KCNG2: variants seen among roughly 807,000 people sequenced by gnomAD.
The protein encoded by KCNG2 is potassium voltage-gated channel modifier subfamily G member 2.
Under a neutral mutation model 12.3 loss-of-function variants are expected in KCNG2, and 7 were observed. The observed-to-expected ratio is 0.57, with a 90% CI of 0.32 to 1.07. KCNG2 has a LOEUF of 1.07. Ranked by LOEUF, KCNG2 falls within the 50% of genes least tolerant of loss-of-function variation. The pLI is 0.04. For synonymous variants in KCNG2, 414 were observed against 351.4 expected (o/e 1.18, Z -1.99); for missense variants, 703 against 726.0 (o/e 0.97, Z 0.36).
chr18:79,819,247 A>C (rs576359756), intron 1 of KCNG2, among the ~76,000 whole-genome samples: 2 of 152,238 alleles, frequency 1.3e-5, no homozygotes, highest in East Asian at 3.9e-4. Context: ...GGCAGGCCCT[A>C]CCCGGGTGCA....
chr18:79,804,967 C>T (rs558786359), intron 1 of KCNG2, among the ~76,000 whole-genome samples: 5 of 152,244 alleles, frequency 3.3e-5, no homozygotes, highest in Admixed American at 1.3e-4. Context: ...CACACACATA[C>T]GGGTGAAGGC....
chr18:79,799,579 A>G (rs140368559), intron 1 of KCNG2, among the ~76,000 whole-genome samples: 126 of 152,366 alleles, frequency 8.3e-4, no homozygotes, highest in African/African-American at 2.9e-3. Context: ...GGTGACAAAA[A>G]CAACTTCCAG....
intron 1 of KCNG2, among the ~76,000 whole-genome samples, chr18:79,825,769 T>C (rs1408092848): frequency 6.6e-6 from 1 of 152,218 alleles, no homozygotes; most frequent in East Asian, 1.9e-4. Context: ...TATTCCTTTT[T>C]CCAGTTACTA....
At chr18:79,880,587 T>C (rs926824826) in intron 3 of KCNG2, among the ~76,000 whole-genome samples, 2 of 152,044 alleles carry the variant, frequency 1.3e-5, no homozygotes, top group Admixed American at 1.3e-4. Context: ...GAGGGATCCC[T>C]TCCCAACTCA....
chr18:79,875,348 G>C (rs1980025282), intron 3 of KCNG2, among the ~76,000 whole-genome samples: 1 of 151,946 alleles, frequency 6.6e-6, no homozygotes, highest in South Asian at 2.1e-4. Context: ...AGGCGGCCCT[G>C]GGCGCTCCCC....
At chr18:79,871,965 G>A (rs957095940) in intron 3 of KCNG2, among the ~76,000 whole-genome samples, 3 of 152,218 alleles carry the variant, frequency 2.0e-5, no homozygotes, top group South Asian at 2.1e-4. Context: ...CAATGCCACC[G>A]GACCAAGCTC....
chr18:79,805,650 T>A (rs1038500077), intron 1 of KCNG2, among the ~76,000 whole-genome samples: 1 of 152,200 alleles, frequency 6.6e-6, no homozygotes, highest in Non-Finnish European at 1.5e-5. Context: ...GGTGGCCATG[T>A]ACCACCTGGC....
At chr18:79,801,956 C>A (rs551345508) in intron 1 of KCNG2, among the ~76,000 whole-genome samples, 1 of 152,158 alleles carries the variant, frequency 6.6e-6, no homozygotes, top group Admixed American at 6.5e-5. Flanking sequence ...GGGACCCCTT[C>A]GCCAGGGGTC....
chr18:79,864,127 G>T lies in KCNG2; in HGVS notation c.460G>T (p.Gly154Trp), dbSNP rs1379372622. Residue 154 changes from glycine (G) to tryptophan (W), a missense_variant, in exon 3 of 4, where the codon GGG becomes TGG. Transcript: ENST00000316249. ...GSPARALGPR[G>W]RLQRGRRRLR... is the part of the protein sequence containing the mutation. Reference sequence around the variant, plus strand: ...CCCGGCGCGCGCCCTGGGACCTCGGGGGCGGCTGCAGCGCGGCCGGCGGCG... The same window carrying T: ...CCCGGCGCGCGCCCTGGGACCTCGGTGGCGGCTGCAGCGCGGCCGGCGGCG... 1 of 1,282,534 alleles carries T rather than the reference G, an allele frequency of 7.8e-7. No homozygotes were observed. The highest frequency in any genetic ancestry group is 1.6e-5 in the African/African-American group (1 of 62,440). 79.4% of individuals were successfully genotyped at this position (1,282,534 alleles called of 1,614,324 possible).
intron 3 of KCNG2, among the ~76,000 whole-genome samples, chr18:79,885,296 G>A (rs1394895490): frequency 6.6e-6 from 1 of 152,234 alleles, no homozygotes; most frequent in African/African-American, 2.4e-5. Context: ...GGGTGAGCCA[G>A]GCTGAACGTA....
intron 3 of KCNG2, among the ~76,000 whole-genome samples, chr18:79,870,789 T>G (rs1244709300): frequency 1.3e-5 from 2 of 152,220 alleles, no homozygotes; most frequent in African/African-American, 4.8e-5. Context: ...TTGCAACAGC[T>G]TTAAAAGCTG....
chr18:79,871,873 G>A (rs1354165983), intron 3 of KCNG2, among the ~76,000 whole-genome samples: 2 of 152,248 alleles, frequency 1.3e-5, no homozygotes, highest in Non-Finnish European at 2.9e-5. Context: ...CTGCCACTGC[G>A]ACATTGGCAG....
At chr18:79,807,418 G>A (rs912398091) in intron 1 of KCNG2, among the ~76,000 whole-genome samples, 1 of 152,152 alleles carries the variant, frequency 6.6e-6, no homozygotes, top group Non-Finnish European at 1.5e-5. Flanking sequence ...AGCACCCAGC[G>A]CCCTCACAAG....
At chr18:79,828,671 G>A (rs1219422768) in intron 1 of KCNG2, among the ~76,000 whole-genome samples, 2 of 151,852 alleles carry the variant, frequency 1.3e-5, no homozygotes, top group Non-Finnish European at 2.9e-5. Flanking sequence ...GTGTGTGCAT[G>A]TCTATGTGTG....
At position 79,899,382 on chromosome 18, in the gene KCNG2, G is replaced by C. The variant is rs377671733; in HGVS notation, c.967G>C (p.Gly323Arg). The C allele has an allele frequency of 3.2e-6, 5 of 1,565,828 alleles. No homozygotes were observed. Among genetic ancestry groups the C allele is most frequent in the South Asian group, 1.2e-5 (1 of 86,668 alleles). The change falls in exon 4 of 4, where the codon GGG (glycine) becomes CGG (arginine). Residue 323 changes from glycine to arginine, a missense_variant. Transcript: ENST00000316249. ...CATGCGCCGCTGCGCGCGCGAGTTCGGGCTGCTGCTGCTGTTCCTCTGCGT... is the reference window on the plus strand; with the variant it reads ...CATGCGCCGCTGCGCGCGCGAGTTCCGGCTGCTGCTGCTGTTCCTCTGCGT... Reference protein sequence around the residue: ...LTMRRCAREFGLLLLFLCVAM... With the variant: ...LTMRRCAREFRLLLLFLCVAM...
chr18:79,868,446 C>T (rs113608823), intron 3 of KCNG2, among the ~76,000 whole-genome samples: 43 of 152,304 alleles, frequency 2.8e-4, no homozygotes, highest in African/African-American at 6.3e-4. Context: ...CCTGGTGACC[C>T]GTGTCCGAGC....
At chr18:79,810,040 C>T (rs1434402185) in intron 1 of KCNG2, among the ~76,000 whole-genome samples, 2 of 152,250 alleles carry the variant, frequency 1.3e-5, no homozygotes, top group Non-Finnish European at 2.9e-5. Context: ...GCCCATTGCG[C>T]TGGGCCTGGG....
chr18:79,854,237 C>G (rs1335249964), intron 1 of KCNG2, among the ~76,000 whole-genome samples: 2 of 152,224 alleles, frequency 1.3e-5, no homozygotes, highest in African/African-American at 4.8e-5. Context: ...GCCCCGTTCA[C>G]CAGAGCCCCC....
At chr18:79,843,584 AG>A (rs1285965169) in intron 1 of KCNG2, among the ~76,000 whole-genome samples, 8 of 152,246 alleles carry the variant, frequency 5.3e-5, no homozygotes, top group Admixed American at 5.2e-4. Context: ...TTGTGACATC[AG>A]TAACATAAAA....
Sources: allele counts gnomAD v4.1 joint callset (sites outside exome capture counted in the v4.1 genomes callset), GRCh38; gene constraint gnomAD v4.1.1; transcripts MANE v1.5; gene names NCBI Gene and HGNC (gene_info 2026-07-23, HGNC 2026-07-21).